The following RANBP10 variants were observed in gnomAD, a reference collection of about 807,000 sequenced individuals.
The protein encoded by RANBP10 is ran-binding protein 10.
In RANBP10, 24 loss-of-function variants were observed where a neutral mutation model predicts 72.8. That is an observed-to-expected ratio of 0.33 (90% CI 0.24 to 0.46). The LOEUF is 0.46. Ranked by LOEUF, RANBP10 falls within the 20% of genes least tolerant of loss-of-function variation. RANBP10 has a pLI of 1.00. For synonymous variants in RANBP10, 310 were observed against 322.3 expected (o/e 0.96, Z 0.41); for missense variants, 679 against 817.5 (o/e 0.83, Z 2.07).
At chr16:67,769,589 C>A (rs1225272647) in intron 3 of RANBP10, among the ~76,000 whole-genome samples, 5 of 149,852 alleles carry the variant, frequency 3.3e-5, no homozygotes, top group Non-Finnish European at 7.4e-5. Context: ...ATTAAAAATA[C>A]AAAAAAATGA....
In RANBP10 at chr16:67,796,299, T is replaced by A. The variant is rs528474511; in HGVS notation, c.347+9129A>T. Among the ~76,000 whole-genome samples the A allele has an allele frequency of 2.8e-3, 420 of 152,288 alleles. 20 individuals are homozygous for A. In the South Asian group the frequency reaches 0.08, roughly 29 times the overall value. ...ATAAAAACAGGGCATTCCATTTTTTTAAAAAGTCCATGCCAATTTCAGATA... is the reference window on the plus strand; with the variant it reads ...ATAAAAACAGGGCATTCCATTTTTTAAAAAAGTCCATGCCAATTTCAGATA... On this transcript the variant is annotated intron_variant, in intron 2 of 13. Coordinates refer to ENST00000317506, the MANE Select transcript of RANBP10 (RefSeq NM_020850.3).
rs1360681527 is a variant in RANBP10 at position 67,803,012 on chromosome 16, A to G, written c.347+2416T>C. 3.3e-5 allele frequency among the ~76,000 whole-genome samples: 5 copies of G among 152,230 alleles called. No homozygotes were observed. In the East Asian group the frequency reaches 7.7e-4, roughly 23 times the overall value. On this transcript the variant is annotated intron_variant, in intron 2 of 13. Coordinates refer to ENST00000317506, the MANE Select transcript of RANBP10 (RefSeq NM_020850.3). ...AATCCATTTTCCTCCCTACAAATTT[A>G]AGAAGTGCACTTCAGTTTCTGTGGC...
chr16:67,806,424 C>G lies in RANBP10; in HGVS notation c.113G>C (p.Arg38Pro). Residue 38 changes from arginine (R) to proline (P), a missense_variant, in exon 1 of 14, where the codon CGC (arginine) becomes CCC (proline). Transcript: ENST00000317506. Reference sequence around the variant, plus strand: ...GACCGCGGGATACAGGCGCTGCAAGCGCCGGCTCAGCTCCTGCTCCCCAGG... The same window carrying G: ...GACCGCGGGATACAGGCGCTGCAAGGGCCGGCTCAGCTCCTGCTCCCCAGG... ...PSPGEQELSR[R>P]LQRLYPAVNQ... 6.3e-7 allele frequency: 1 copy of G among 1,597,432 alleles called. No homozygotes were observed. Among genetic ancestry groups the G allele is most frequent in the South Asian group, 1.1e-5 (1 of 89,260 alleles).
chr16:67,738,177 A>C, intron 4 of RANBP10, 142 bp from the exon 5 acceptor site: 1 of 966,876 alleles, frequency 1.0e-6, no homozygotes. Context: ...CTCCCTCCGT[A>C]GCCCAGGCTG....
intron 4 of RANBP10, among the ~76,000 whole-genome samples, chr16:67,740,480 C>A (rs2053947944): frequency 6.6e-6 from 1 of 152,058 alleles, no homozygotes; most frequent in Non-Finnish European, 1.5e-5. Flanking sequence ...CCTTAGAGAT[C>A]TCCAGTCTGC....
intron 4 of RANBP10, among the ~76,000 whole-genome samples, chr16:67,741,392 C>A (rs575560887): frequency 3.9e-5 from 6 of 152,224 alleles, no homozygotes; most frequent in Non-Finnish European, 8.8e-5. Context: ...CTCCTCCAGC[C>A]TGCAACATCA....
chr16:67,781,712 G>A (rs1432681806), intron 2 of RANBP10, among the ~76,000 whole-genome samples: 2 of 152,106 alleles, frequency 1.3e-5, no homozygotes, highest in Non-Finnish European at 2.9e-5. Context: ...AGTTCCTACC[G>A]TTGCCTGCCA....
At position 67,730,042 on chromosome 16, in the gene RANBP10, G is replaced by C. The variant is rs571293652; in HGVS notation, c.894C>G (p.Ile298Met). Residue 298 changes from isoleucine (I) to methionine (M), a missense_variant, in exon 8 of 14, where the codon ATC becomes ATG. Transcript: ENST00000317506. The surrounding 1 kb of genome is among the most constrained non-coding windows in gnomAD (Gnocchi z 4.3). ...EQASIKNRQK[I>M]QKLVLEGRVG... ...CACGGCCCTCCAGCACCAGCTTCTGGATCTCTGCAGGGTGCAAGAACACAG... is the reference window on the plus strand; with the variant it reads ...CACGGCCCTCCAGCACCAGCTTCTGCATCTCTGCAGGGTGCAAGAACACAG... The C allele has an allele frequency of 2.5e-6, 4 of 1,611,818 alleles. No individual in the cohort carries two copies. Among genetic ancestry groups the C allele is most frequent in the Non-Finnish European group, 3.4e-6 (4 of 1,179,970 alleles).
chr16:67,805,649 C>T (rs2055376466), intron 1 of RANBP10, 110 bp from the exon 2 acceptor site: 2 of 818,388 alleles, frequency 2.4e-6, no homozygotes, highest in Admixed American at 2.4e-5. Context: ...GGCCAGAGGA[C>T]GCACTTACAC....
chr16:67,795,128 T>C (rs893408173), intron 2 of RANBP10, among the ~76,000 whole-genome samples: 1 of 151,178 alleles, frequency 6.6e-6, no homozygotes, highest in African/African-American at 2.4e-5. Context: ...CATGTGCCTG[T>C]AGTCCCAGCT....
intron 3 of RANBP10, among the ~76,000 whole-genome samples, chr16:67,748,488 C>A (rs1167836213): frequency 1.3e-5 from 2 of 151,814 alleles, no homozygotes; most frequent in African/African-American, 2.4e-5. Context: ...CACGCCACTG[C>A]ACTCCAGCCT....
rs763825171 is a variant in RANBP10 at position 67,729,273 on chromosome 16, C to A, written c.1352+7G>T. On this transcript the variant is annotated splice_region_variant and intron_variant, in intron 10 of 13. Transcript: ENST00000317506. This position sits in a 1 kb window ranked among gnomAD's most constrained non-coding sequence, Gnocchi z 7.1. ...AGGCAGAGGAGGAAGCAGAGCAAGG[C>A]AGGCACCTGGTCTCCTGGTTACTGG... The A allele has an allele frequency of 6.2e-7, 1 of 1,611,464 alleles. No individual in the cohort carries two copies. Among genetic ancestry groups the A allele is most frequent in the South Asian group, 1.1e-5 (1 of 90,896 alleles).
intron 3 of RANBP10, among the ~76,000 whole-genome samples, chr16:67,755,707 A>G (rs186177759): frequency 9.0e-4 from 134 of 149,374 alleles, no homozygotes; most frequent in Non-Finnish European, 1.5e-3. Flanking sequence ...AAAAAAAAAA[A>G]GGACAAGTGG....
chr16:67,781,589 T>C (rs1363989452), intron 2 of RANBP10, among the ~76,000 whole-genome samples: 2 of 152,150 alleles, frequency 1.3e-5, no homozygotes, highest in East Asian at 1.9e-4. Context: ...TTCTTCTATA[T>C]GGCAGCAAAG....
chr16:67,770,293 T>G (rs555506764), intron 3 of RANBP10, among the ~76,000 whole-genome samples: 1 of 152,090 alleles, frequency 6.6e-6, no homozygotes, highest in South Asian at 2.1e-4. Context: ...CCACACAGTA[T>G]GCAAAGAAAA....
intron 3 of RANBP10, among the ~76,000 whole-genome samples, chr16:67,761,527 T>C (rs533139707): frequency 5.5e-4 from 84 of 152,346 alleles, no homozygotes; most frequent in African/African-American, 1.9e-3. Flanking sequence ...GTAGTTTCAA[T>C]GATACCTAAC....
At chr16:67,767,229 C>T (rs865792578) in intron 3 of RANBP10, among the ~76,000 whole-genome samples, 3 of 152,094 alleles carry the variant, frequency 2.0e-5, no homozygotes, top group Admixed American at 6.6e-5. Flanking sequence ...ATCAGCCCAG[C>T]AGACTCTGAA....
chr16:67,804,281 G>A (rs1217052238), intron 2 of RANBP10, among the ~76,000 whole-genome samples: 4 of 151,926 alleles, frequency 2.6e-5, no homozygotes, highest in East Asian at 1.9e-4. Context: ...CACCTGCTTC[G>A]TCACAATCAC....
chr16:67,767,421 T>C (rs1408427070), intron 3 of RANBP10, among the ~76,000 whole-genome samples: 1 of 128,434 alleles, frequency 7.8e-6, no homozygotes, highest in Non-Finnish European at 1.5e-5. Flanking sequence ...CACTCCACTA[T>C]ACTCCAAGCT....
Sources: allele counts gnomAD v4.1 joint callset (sites outside exome capture counted in the v4.1 genomes callset), GRCh38; gene constraint gnomAD v4.1.1; non-coding constraint Gnocchi (gnomAD v3.1); transcripts MANE v1.5; gene names NCBI Gene and HGNC (gene_info 2026-07-23, HGNC 2026-07-21).